DOHH: variants seen among roughly 807,000 people sequenced by gnomAD.
DOHH encodes the protein deoxyhypusine hydroxylase.
A neutral mutation model predicts 19.9 loss-of-function variants in DOHH; 16 were observed. That is an observed-to-expected ratio of 0.80 (90% CI 0.54 to 1.22). The LOEUF is 1.22. Ranked by LOEUF, DOHH falls within the 50% of genes most tolerant of loss-of-function variation. The probability of loss-of-function intolerance (pLI) is 0.00; values close to 1 mark genes in which losing one functional copy is unlikely to be tolerated. For missense variants in DOHH, 460 were observed against 460.6 expected (o/e 1.00, Z 0.01); for synonymous variants, 233 against 217.0 (o/e 1.07, Z -0.65).
intron 2 of DOHH, 43 bp from the exon 3 acceptor site, chr19:3,494,147 G>T: frequency 6.4e-7 from 1 of 1,572,130 alleles, no homozygotes; most frequent in Admixed American, 1.7e-5. Context: ...TGGGGTGGAT[G>T]TGTGGAAAAT....
chr19:3,492,426 C>G lies in DOHH; in HGVS notation c.425G>C (p.Gly142Ala). The G allele has an allele frequency of 6.7e-7, 1 of 1,498,534 alleles. No homozygotes were observed. The highest frequency in any genetic ancestry group is 8.8e-7 in the Non-Finnish European group (1 of 1,130,246). 92.8% of individuals were successfully genotyped at this position (1,498,534 alleles called of 1,614,324 possible). A position where few individuals can be genotyped will look rare whatever the true frequency, so the allele number is the denominator to read the frequency against. ...GGCAGGGTCCACGGAGAGGTAGGGT[C>G]CCGCCGCCGGCTCCCCGCCGTGCTG... Reference protein sequence around the residue: ...LQQHGGEPAAGPYLSVDPAPP... With the variant: ...LQQHGGEPAAAPYLSVDPAPP... Residue 142 changes from glycine to alanine, a missense_variant, in exon 4 of 5, where the codon GGA (glycine) becomes GCA (alanine). Coordinates refer to ENST00000427575, the MANE Select transcript of DOHH (RefSeq NM_001145165.2).
Position 3,491,173 on chromosome 19 carries a change from A to C in DOHH, c.*319T>G. 2.5e-6 allele frequency: 1 copy of C among 395,616 alleles called. No individual in the cohort carries two copies. Among genetic ancestry groups the C allele is most frequent in the Non-Finnish European group, 4.4e-6 (1 of 226,516 alleles). The allele number at this position is 395,616 out of a possible 1,614,324, so 24.5% of individuals were successfully genotyped here. ...CGATCCTCCCCTGGCTTCCCTCGCG[A>C]TCCTCCCCTGGCTTCCCTCGCAATC... is the stretch of plus-strand genomic sequence containing the variant. On this transcript the variant is annotated 3_prime_UTR_variant, in exon 5 of 5. Coordinates refer to ENST00000427575, the MANE Select transcript of DOHH (RefSeq NM_001145165.2). The surrounding 1 kb of genome is among the most constrained non-coding windows in gnomAD (Gnocchi z 5.6).
intron 3 of DOHH, 57 bp downstream of exon 3, chr19:3,493,971 G>C: frequency 6.5e-7 from 1 of 1,549,610 alleles, no homozygotes; most frequent in Non-Finnish European, 8.8e-7. Context: ...GGGCAGGGCT[G>C]GGCAGGGCTT....
chr19:3,493,426 G>GCA (rs1568220990), intron 3 of DOHH, among the ~76,000 whole-genome samples: 1 of 152,170 alleles, frequency 6.6e-6, no homozygotes, highest in Non-Finnish European at 1.5e-5. Flanking sequence ...TGGCTAACAT[G>GCA]GTGAAACCCC....
chr19:3,491,809 G>A lies in DOHH; in HGVS notation c.592C>T (p.Leu198=). 6.8e-7 allele frequency: 1 copy of A among 1,473,128 alleles called. No individual in the cohort carries two copies. Among genetic ancestry groups the A allele is most frequent in the Non-Finnish European group, 9.0e-7 (1 of 1,115,504 alleles). The allele number at this position is 1,473,128 out of a possible 1,614,324, so 91.3% of individuals were successfully genotyped here. ...CGGAAGAGGGCGCTCCCACAGTGCA[G>A]ACCTGCAGGGGAGAGGGACACTCGC... The part of the protein sequence containing the change: ...EEAALALAEG[L]HCGSALFRHE... The change falls in exon 5 of 5, where the codon CTG becomes TTG. Residue 198 remains leucine, a splice_region_variant and synonymous_variant. Coordinates refer to ENST00000427575, the MANE Select transcript of DOHH (RefSeq NM_001145165.2). This position sits in a 1 kb window ranked among gnomAD's most constrained non-coding sequence, Gnocchi z 5.6.
At chr19:3,493,107 G>C (rs1358773976) in intron 3 of DOHH, among the ~76,000 whole-genome samples, 1 of 152,218 alleles carries the variant, frequency 6.6e-6, no homozygotes, top group Admixed American at 6.5e-5. Flanking sequence ...CAGCCACAGT[G>C]AGTGGACACA....
chr19:3,491,873 C>T lies in DOHH; in HGVS notation c.590-62G>A, dbSNP rs1458533696. ...GGTGGGAAGGGGAGCTCTGTCTTTT[C>T]GAAGACATGGGGTCTTGCTATCTTG... On this transcript the variant is annotated intron_variant, in intron 4 of 4. Coordinates refer to ENST00000427575, the MANE Select transcript of DOHH (RefSeq NM_001145165.2). The surrounding 1 kb of genome is among the most constrained non-coding windows in gnomAD (Gnocchi z 5.6). The T allele has an allele frequency of 8.8e-6, 12 of 1,367,656 alleles. No individual in the cohort carries two copies. The Admixed American group carries it at 1.0e-4, about 12-fold the overall frequency. 84.7% of individuals were successfully genotyped at this position (1,367,656 alleles called of 1,614,324 possible).
At chr19:3,493,170 G>C (rs2082883504) in intron 3 of DOHH, among the ~76,000 whole-genome samples, 1 of 152,164 alleles carries the variant, frequency 6.6e-6, no homozygotes, top group Non-Finnish European at 1.5e-5. Flanking sequence ...AGGAATGACG[G>C]GCCGGCCGAA....
At position 3,491,655 on chromosome 19, in the gene DOHH, A is replaced by G. The variant is rs2122051585; in HGVS notation, c.746T>C (p.Ile249Thr). 1.3e-6 allele frequency: 2 copies of G among 1,534,966 alleles called. No individual in the cohort carries two copies. Among genetic ancestry groups the G allele is most frequent in the Non-Finnish European group, 1.7e-6 (2 of 1,144,864 alleles). The change falls in exon 5 of 5, where the codon ATT (isoleucine) becomes ACT (threonine). Residue 249 changes from isoleucine (I) to threonine (T), a missense_variant. Physicochemically the swap from Ile to Thr is moderately conservative, Grantham distance 89 (BLOSUM62 -1). Coordinates refer to ENST00000427575, the MANE Select transcript of DOHH (RefSeq NM_001145165.2). The surrounding 1 kb of genome is among the most constrained non-coding windows in gnomAD (Gnocchi z 5.6). ...CGCGGCCAGGCAGGCGGGCCGGGCA[A>G]TGGCGCCCAGGGCCTCCGCGCACTC... is the stretch of plus-strand genomic sequence containing the variant. ...RHECAEALGA[I>T]ARPACLAALQ...
At chr19:3,499,294 CTTTA>C (rs1314989778) in intron 1 of DOHH, among the ~76,000 whole-genome samples, 4 of 152,274 alleles carry the variant, frequency 2.6e-5, no homozygotes, top group Admixed American at 6.5e-5. Context: ...ACTTATTCAG[CTTTA>C]TTTTTCTCCA....
chr19:3,491,225 A>C lies in DOHH; in HGVS notation c.*267T>G. ...TCCCCTGTCCTGAGCCGGGCATCCC[A>C]GAGCCTCCCGCAGAGTCCCACCCCA... On this transcript the variant is annotated 3_prime_UTR_variant, in exon 5 of 5. Coordinates refer to ENST00000427575, the MANE Select transcript of DOHH (RefSeq NM_001145165.2). This position sits in a 1 kb window ranked among gnomAD's most constrained non-coding sequence, Gnocchi z 5.6. 1 of 534,336 alleles carries C rather than the reference A, an allele frequency of 1.9e-6. No individual in the cohort carries two copies. The highest frequency in any genetic ancestry group is 3.3e-6 in the Non-Finnish European group (1 of 307,046). 33.1% of individuals were successfully genotyped at this position (534,336 alleles called of 1,614,324 possible).
chr19:3,494,078 G>A lies in DOHH; in HGVS notation c.301C>T (p.Pro101Ser). ...AGEALGAIGD[P>S]EVLEILKQYS... ...TGCTTCAGGATCTCCAGAACTTCCG[G>A]GTCCCCGATGGCCCCCAGGGCCTCC... The change falls in exon 3 of 5, where the codon CCG (proline) becomes TCG (serine). Residue 101 changes from proline to serine, a missense_variant. Coordinates refer to ENST00000427575, the MANE Select transcript of DOHH (RefSeq NM_001145165.2). 1.2e-6 allele frequency: 2 copies of A among 1,613,820 alleles called. No individual in the cohort carries two copies. Among genetic ancestry groups the A allele is most frequent in the South Asian group, 2.2e-5 (2 of 91,054 alleles).
At chr19:3,493,000 G>A (rs936519800) in intron 3 of DOHH, among the ~76,000 whole-genome samples, 7 of 151,508 alleles carry the variant, frequency 4.6e-5, no homozygotes, top group Non-Finnish European at 1.0e-4. Flanking sequence ...GAGGGTCGGG[G>A]TGGGATGTGG....
chr19:3,498,732 C>T (rs918883703), intron 1 of DOHH, among the ~76,000 whole-genome samples: 2 of 152,090 alleles, frequency 1.3e-5, no homozygotes, highest in Non-Finnish European at 2.9e-5. Context: ...TAATGTGACC[C>T]GTTTAGGATG....
chr19:3,493,994 A>G, intron 3 of DOHH, 34 bp downstream of exon 3: 3 of 1,601,738 alleles, frequency 1.9e-6, no homozygotes, highest in Non-Finnish European at 2.6e-6. Flanking sequence ...CAGGGACCCG[A>G]GACTGGCAGG....
At chr19:3,494,177 C>T in intron 2 of DOHH, 73 bp from the exon 3 acceptor site, 2 of 1,355,978 alleles carry the variant, frequency 1.5e-6, no homozygotes, top group African/African-American at 1.4e-5. Context: ...CCTCTGGGAC[C>T]GGAGGACACC....
chr19:3,495,242 G>A (rs953712770), intron 2 of DOHH, among the ~76,000 whole-genome samples: 4 of 152,166 alleles, frequency 2.6e-5, no homozygotes, highest in Non-Finnish European at 5.9e-5. Flanking sequence ...CTCCCAAAGT[G>A]CTGGGATTAC....
rs1450251863 is a variant in DOHH at position 3,496,347 on chromosome 19, T to C, written c.274+194A>G. Among the ~76,000 whole-genome samples, 1 of 152,210 alleles carries C rather than the reference T, an allele frequency of 6.6e-6. No homozygotes were observed. The highest frequency in any genetic ancestry group is 1.5e-5 in the Non-Finnish European group (1 of 68,034). ...TGTCTGGGCACACAGCCTTAGCCAT[T>C]TGGTGACAGATGACCTGCGCTGGCT... is the stretch of plus-strand genomic sequence containing the variant. On this transcript the variant is annotated intron_variant, in intron 2 of 4. Coordinates refer to ENST00000427575, the MANE Select transcript of DOHH (RefSeq NM_001145165.2). This position sits in a 1 kb window ranked among gnomAD's most constrained non-coding sequence, Gnocchi z 4.8.
In DOHH at chr19:3,491,744, C is replaced by T; in HGVS notation, c.657G>A (p.Glu219=). 1.3e-6 allele frequency: 2 copies of T among 1,513,998 alleles called. No individual in the cohort carries two copies. Among genetic ancestry groups the T allele is most frequent in the Non-Finnish European group, 1.8e-6 (2 of 1,133,562 alleles). 93.8% of individuals were successfully genotyped at this position (1,513,998 alleles called of 1,614,324 possible). Residue 219 remains glutamate (E), a synonymous_variant, in exon 5 of 5, where the codon GAG becomes GAA. Coordinates refer to ENST00000427575, the MANE Select transcript of DOHH (RefSeq NM_001145165.2). The surrounding 1 kb of genome is among the most constrained non-coding windows in gnomAD (Gnocchi z 5.6). ...CGGCCGCCAGCTGGGGCACCGCCGCCTCGTGCTGCAGCTGTCCCAGGACGT... is the reference window on the plus strand; with the variant it reads ...CGGCCGCCAGCTGGGGCACCGCCGCTTCGTGCTGCAGCTGTCCCAGGACGT... ...VGYVLGQLQH[E]AAVPQLAAAL...
Sources: gnomAD v4.1 joint callset for allele counts (sites outside exome capture counted in the v4.1 genomes callset) on GRCh38, gnomAD v4.1.1 for gene constraint, Gnocchi (gnomAD v3.1) non-coding constraint, MANE v1.5 for transcripts, NCBI Gene and HGNC (gene_info 2026-07-23, HGNC 2026-07-21) for gene names.